The following BMPR1A variants were observed in gnomAD, a reference collection of about 807,000 sequenced individuals.
The protein encoded by BMPR1A is bone morphogenetic protein receptor type 1A.
A neutral mutation model predicts 66.0 loss-of-function variants in BMPR1A; 7 were observed. That is an observed-to-expected ratio of 0.11 (90% CI 0.06 to 0.20). BMPR1A has a LOEUF of 0.20. BMPR1A is among the 10% of genes least tolerant of loss of function. BMPR1A has a pLI of 1.00. For synonymous variants in BMPR1A, 200 were observed against 229.7 expected (o/e 0.87, Z 1.17); for missense variants, 408 against 669.1 (o/e 0.61, Z 4.31).
intron 1 of BMPR1A, among the ~76,000 whole-genome samples, chr10:86,789,027 GA>G (rs1326835552): frequency 1.1e-4 from 17 of 152,290 alleles, no homozygotes; most frequent in African/African-American, 4.1e-4. Flanking sequence ...CCTCAGGGAT[GA>G]AAAGGGTGTC....
intron 3 of BMPR1A, among the ~76,000 whole-genome samples, chr10:86,882,227 A>G (rs1373995774): frequency 1.3e-5 from 2 of 152,140 alleles, no homozygotes; most frequent in Non-Finnish European, 2.9e-5. Flanking sequence ...GTTCGAGACC[A>G]GCCTGGCCAA....
chr10:86,898,271 A>G (rs1843257226), intron 5 of BMPR1A, among the ~76,000 whole-genome samples: 1 of 151,778 alleles, frequency 6.6e-6, no homozygotes. Flanking sequence ...CATATATATA[A>G]ACATATATAC....
chr10:86,802,571 G>A (rs1334988042), intron 1 of BMPR1A, among the ~76,000 whole-genome samples: 1 of 151,834 alleles, frequency 6.6e-6, no homozygotes, highest in Non-Finnish European at 1.5e-5. Context: ...TTATAACCTA[G>A]GTCATTTAAC....
chr10:86,852,702 G>C (rs2133190172), intron 2 of BMPR1A, among the ~76,000 whole-genome samples: 1 of 152,106 alleles, frequency 6.6e-6, no homozygotes, highest in Non-Finnish European at 1.5e-5. Flanking sequence ...AAATTCAAGT[G>C]AAGTAAAATA....
chr10:86,832,963 A>G (rs999934558), intron 1 of BMPR1A, among the ~76,000 whole-genome samples: 5 of 152,254 alleles, frequency 3.3e-5, no homozygotes, highest in African/African-American at 1.2e-4. Flanking sequence ...ACTTTAAGAA[A>G]TTAGGGCATG....
chr10:86,801,306 T>A (rs1172254282), intron 1 of BMPR1A, among the ~76,000 whole-genome samples: 2 of 151,948 alleles, frequency 1.3e-5, no homozygotes, highest in Non-Finnish European at 2.9e-5. Context: ...CAACTGATAG[T>A]TTGTATTTTT....
chr10:86,776,028 T>C (rs911092113), intron 1 of BMPR1A, among the ~76,000 whole-genome samples: 1 of 152,198 alleles, frequency 6.6e-6, no homozygotes, highest in African/African-American at 2.4e-5. Context: ...ATTGTCTCTC[T>C]TTTTCTATTT....
chr10:86,857,578 G>A (rs578152383), intron 2 of BMPR1A, among the ~76,000 whole-genome samples: 19 of 152,198 alleles, frequency 1.2e-4, no homozygotes, highest in Admixed American at 9.8e-4. Flanking sequence ...TTGCAGTCAG[G>A]AAGTCAGCAG....
At chr10:86,913,765 A>G (rs190437329) in intron 8 of BMPR1A, among the ~76,000 whole-genome samples, 138 of 152,356 alleles carry the variant, frequency 9.1e-4, no homozygotes, top group African/African-American at 3.1e-3. Flanking sequence ...TGCTGAAAGA[A>G]ATTAATAAAG....
chr10:86,763,301 G>A (rs1026283608), intron 1 of BMPR1A, among the ~76,000 whole-genome samples: 3 of 152,038 alleles, frequency 2.0e-5, no homozygotes, highest in Non-Finnish European at 2.9e-5. Flanking sequence ...AAGAAGCAGC[G>A]GAATGATTAA....
At chr10:86,757,754 G>C (rs1033599397) in intron 1 of BMPR1A, among the ~76,000 whole-genome samples, 7 of 152,068 alleles carry the variant, frequency 4.6e-5, no homozygotes, top group Non-Finnish European at 7.4e-5. Flanking sequence ...CAACGATTCT[G>C]GTTTATTGTA....
intron 7 of BMPR1A, among the ~76,000 whole-genome samples, chr10:86,907,709 G>A (rs1589286388): frequency 6.6e-6 from 1 of 152,136 alleles, no homozygotes; most frequent in Non-Finnish European, 1.5e-5. Context: ...AGTGAAATAA[G>A]CCAGTCATAG....
rs1843762271 is a variant in BMPR1A at position 86,927,635 on chromosome 10, TTCTA to T, written c.*3918_*3921del. 1 of 198,002 alleles carries T rather than the reference TTCTA, an allele frequency of 5.1e-6. No individual in the cohort carries two copies. The highest frequency in any genetic ancestry group is 2.3e-5 in the African/African-American group (1 of 43,354). 12.3% of individuals were successfully genotyped at this position (198,002 alleles called of 1,614,324 possible). On this transcript the variant is annotated 3_prime_UTR_variant, in exon 13 of 13. Coordinates refer to ENST00000372037, the MANE Select transcript of BMPR1A (RefSeq NM_004329.3). ...TTTAGCTTATGCTCTGTATTCTGTT[TTCTA>T]TGGAATTATTTAAGCCCTTTTAGTG...
chr10:86,836,226 T>G (rs975661073), intron 1 of BMPR1A, among the ~76,000 whole-genome samples: 1 of 152,220 alleles, frequency 6.6e-6, no homozygotes, highest in Non-Finnish European at 1.5e-5. Flanking sequence ...ATTTTGCTCA[T>G]GTACATCTTA....
chr10:86,904,840 A>G (rs1018954280), intron 7 of BMPR1A, among the ~76,000 whole-genome samples: 1 of 152,222 alleles, frequency 6.6e-6, no homozygotes, highest in Admixed American at 6.5e-5. Context: ...TTATAGTTCT[A>G]AACTAAATAC....
intron 7 of BMPR1A, among the ~76,000 whole-genome samples, chr10:86,909,211 C>A (rs1178759577): frequency 1.3e-5 from 2 of 152,082 alleles, no homozygotes; most frequent in Non-Finnish European, 2.9e-5. Flanking sequence ...GTTAAATGAT[C>A]AGTTAAATTG....
At chr10:86,785,821 A>T (rs1394161289) in intron 1 of BMPR1A, among the ~76,000 whole-genome samples, 1 of 152,162 alleles carries the variant, frequency 6.6e-6, no homozygotes, top group African/African-American at 2.4e-5. Flanking sequence ...TTGCACCTTT[A>T]CAGCTGCGCT....
intron 2 of BMPR1A, among the ~76,000 whole-genome samples, chr10:86,842,856 C>T (rs1209268815): frequency 1.3e-5 from 2 of 152,094 alleles, no homozygotes; most frequent in Non-Finnish European, 2.9e-5. Flanking sequence ...TCTTGTGAGA[C>T]GTATTCACTA....
intron 3 of BMPR1A, among the ~76,000 whole-genome samples, chr10:86,885,425 A>G (rs571985024): frequency 6.6e-5 from 10 of 152,342 alleles, no homozygotes; most frequent in South Asian, 6.2e-4. Flanking sequence ...CCTGTTTTCT[A>G]TATCTCTGCT....
Sources: allele counts gnomAD v4.1 joint callset (sites outside exome capture counted in the v4.1 genomes callset), GRCh38; gene constraint gnomAD v4.1.1; transcripts MANE v1.5; gene names NCBI Gene and HGNC (gene_info 2026-07-23, HGNC 2026-07-21).